MDGA2: variants seen among roughly 807,000 people sequenced by gnomAD.
MDGA2 encodes the protein MAM domain containing glycosylphosphatidylinositol anchor 2.
MDGA2 carries 40 observed loss-of-function variants against 117.8 expected under a neutral mutation model. The ratio of observed to expected loss-of-function variants is 0.34; its 90% CI spans 0.26 to 0.44. The LOEUF is 0.44. Ranked by LOEUF, MDGA2 falls within the 20% of genes least tolerant of loss-of-function variation. The pLI is 1.00. For missense variants in MDGA2, 1,123 were observed against 1,250.6 expected, an observed-to-expected ratio of 0.90 and a Z score of 1.54; for synonymous variants, 452 against 439.0, an observed-to-expected ratio of 1.03 and a Z score of -0.37.
chr14:47,653,315 T>A (rs1219079461), intron 1 of MDGA2, among the ~76,000 whole-genome samples: 1 of 152,164 alleles, frequency 6.6e-6, no homozygotes. Flanking sequence ...TGCTGAGATC[T>A]ATGGCTGAGA....
intron 12 of MDGA2, among the ~76,000 whole-genome samples, chr14:46,876,120 A>G: frequency 6.6e-6 from 1 of 151,604 alleles, no homozygotes; most frequent in Admixed American, 6.6e-5. Flanking sequence ...AGTTGTTTAT[A>G]ATATTATAAC....
chr14:47,545,622 G>A (rs995073512), intron 1 of MDGA2, among the ~76,000 whole-genome samples: 3 of 152,090 alleles, frequency 2.0e-5, no homozygotes, highest in Non-Finnish European at 4.4e-5. Flanking sequence ...TTCCAACAAA[G>A]CTTTATTCCC....
At chr14:46,842,341 A>C (rs1485115601) in intron 16 of MDGA2, among the ~76,000 whole-genome samples, 1 of 152,130 alleles carries the variant, frequency 6.6e-6, no homozygotes, top group East Asian at 1.9e-4. Context: ...GGAAAGCAGG[A>C]ACATGGAGAA....
At chr14:47,054,092 G>A (rs1954246) in intron 7 of MDGA2, among the ~76,000 whole-genome samples, 1 of 151,684 alleles carries the variant, frequency 6.6e-6, no homozygotes, top group Non-Finnish European at 1.5e-5. Flanking sequence ...GAGAGAGATT[G>A]TGAGTACTAC....
intron 1 of MDGA2, among the ~76,000 whole-genome samples, chr14:47,353,762 T>G (rs2138353731): frequency 6.6e-6 from 1 of 152,212 alleles, no homozygotes; most frequent in South Asian, 2.1e-4. Flanking sequence ...CTTCTCAAAC[T>G]CTTCCAAAGA....
At chr14:47,543,187 G>GT (rs1307882162) in intron 1 of MDGA2, among the ~76,000 whole-genome samples, 1 of 152,048 alleles carries the variant, frequency 6.6e-6, no homozygotes, top group Non-Finnish European at 1.5e-5. Context: ...TCCAGCCTAG[G>GT]TAACACAGTA....
chr14:47,059,077 C>A (rs1430898684), intron 7 of MDGA2: 15 of 1,022,484 alleles, frequency 1.5e-5, no homozygotes, highest in Non-Finnish European at 1.8e-5. Context: ...ACAATAAGGG[C>A]AGTAAGAGGC....
At chr14:46,991,337 T>C (rs1887087479) in intron 8 of MDGA2, among the ~76,000 whole-genome samples, 1 of 152,132 alleles carries the variant, frequency 6.6e-6, no homozygotes, top group Admixed American at 6.6e-5. Flanking sequence ...TATGCTCATC[T>C]TGGGACTTAG....
chr14:47,070,878 G>A (rs930500830), intron 6 of MDGA2, among the ~76,000 whole-genome samples: 1 of 152,190 alleles, frequency 6.6e-6, no homozygotes, highest in African/African-American at 2.4e-5. Context: ...GAAGTGCTGG[G>A]ATTACAGGTG....
At chr14:47,071,975 G>A (rs1367372962) in intron 6 of MDGA2, among the ~76,000 whole-genome samples, 2 of 151,558 alleles carry the variant, frequency 1.3e-5, no homozygotes, top group South Asian at 2.1e-4. Flanking sequence ...TGTCACCATC[G>A]TATAGTTGTT....
At chr14:47,498,235 C>A (rs577859734) in intron 1 of MDGA2, among the ~76,000 whole-genome samples, 1 of 152,198 alleles carries the variant, frequency 6.6e-6, no homozygotes, top group South Asian at 2.1e-4. Flanking sequence ...ATCCAGATAC[C>A]AGAATCTTCC....
intron 1 of MDGA2, among the ~76,000 whole-genome samples, chr14:47,571,337 A>T (rs1896015383): frequency 6.6e-6 from 1 of 152,196 alleles, no homozygotes. Context: ...ATTGTGGAAG[A>T]CAGTGTGGCA....
intron 1 of MDGA2, among the ~76,000 whole-genome samples, chr14:47,359,384 A>G (rs1891064343): frequency 6.6e-6 from 1 of 152,048 alleles, no homozygotes; most frequent in African/African-American, 2.4e-5. Context: ...CAAACAAACA[A>G]AAAACATTAT....
intron 1 of MDGA2, among the ~76,000 whole-genome samples, chr14:47,652,474 T>G (rs1330431554): frequency 6.6e-6 from 1 of 152,216 alleles, no homozygotes. Flanking sequence ...ACTCCAATGA[T>G]GGCAAAACTA....
At chr14:47,607,289 T>C (rs1896759989) in intron 1 of MDGA2, among the ~76,000 whole-genome samples, 1 of 152,164 alleles carries the variant, frequency 6.6e-6, no homozygotes, top group Admixed American at 6.6e-5. Context: ...AAGTGCATAT[T>C]TACAAAGATA....
chr14:46,933,103 C>A (rs1884640802), intron 9 of MDGA2, among the ~76,000 whole-genome samples: 1 of 151,890 alleles, frequency 6.6e-6, no homozygotes, highest in Non-Finnish European at 1.5e-5. Flanking sequence ...TCTGTTTTAC[C>A]AAACCATCAA....
chr14:46,931,654 C>T lies in MDGA2; in HGVS notation c.2090-11494G>A, dbSNP rs1280644713. Among the ~76,000 whole-genome samples the T allele has an allele frequency of 2.6e-5, 4 of 151,152 alleles. No homozygotes were observed. In the East Asian group the frequency reaches 5.9e-4, roughly 22 times the overall value. ...TCTCCTGCCTCAGCCTCCTGAGTAG[C>T]GGGGACTAGAGGCATGAGCCACCAC... is the stretch of plus-strand genomic sequence containing the variant. On this transcript the variant is annotated intron_variant, in intron 9 of 16. Coordinates refer to ENST00000399232, the MANE Select transcript of MDGA2 (RefSeq NM_001113498.3).
At chr14:46,847,897 T>C (rs905344683) in intron 15 of MDGA2, among the ~76,000 whole-genome samples, 7 of 152,054 alleles carry the variant, frequency 4.6e-5, no homozygotes, top group African/African-American at 1.7e-4. Context: ...TTTTCCTTTT[T>C]CCAAAAAGTA....
intron 5 of MDGA2, among the ~76,000 whole-genome samples, chr14:47,127,076 T>C (rs1407089126): frequency 6.6e-6 from 1 of 152,150 alleles, no homozygotes; most frequent in East Asian, 1.9e-4. Flanking sequence ...TATAAACATA[T>C]TGGTTTACAG....
Sources: allele counts gnomAD v4.1 joint callset (sites outside exome capture counted in the v4.1 genomes callset), GRCh38; gene constraint gnomAD v4.1.1; transcripts MANE v1.5; gene names NCBI Gene and HGNC (gene_info 2026-07-23, HGNC 2026-07-21).